The following CITED1 variants were observed in gnomAD, a reference collection of about 807,000 sequenced individuals.
CITED1 encodes the protein cbp/p300-interacting transactivator 1.
A neutral mutation model predicts 8.5 loss-of-function variants in CITED1; 3 were observed. The ratio of observed to expected loss-of-function variants is 0.35; its 90% CI spans 0.16 to 0.91. The LOEUF is 0.91. Ranked by LOEUF, CITED1 falls within the 40% of genes least tolerant of loss-of-function variation. The probability of loss-of-function intolerance (pLI) is 0.46; values close to 1 mark genes in which losing one functional copy is unlikely to be tolerated. For missense variants in CITED1, 113 were observed against 154.8 expected (o/e 0.73, Z 1.43); for synonymous variants, 54 against 67.4 (o/e 0.80, Z 0.97).
chrX:72,305,300 A>G (rs1395359459), intron 1 of CITED1: 1 of 1,165,833 alleles, frequency 8.6e-7, no homozygotes, highest in Non-Finnish European at 1.1e-6. Flanking sequence ...AATGGCACCA[A>G]CCGGATGGTT....
At chrX:72,305,308 G>A (rs1470998262) in intron 1 of CITED1, 3 of 1,165,514 alleles carry the variant, frequency 2.6e-6, no homozygotes, top group Non-Finnish European at 2.3e-6. Flanking sequence ...CAACCGGATG[G>A]TTCCATCTCG....
At chrX:72,305,057 CG>C (rs1272894710) in intron 1 of CITED1, among the ~76,000 whole-genome samples, 1 of 113,040 alleles carries the variant, frequency 8.8e-6, no homozygotes, top group African/African-American at 3.2e-5. Context: ...CACTGCGAAA[CG>C]GCTGCGACAG....
chrX:72,301,858 A>AT lies in CITED1; in HGVS notation c.446dup (p.Asp149GlufsTer7). The stretch of plus-strand genomic sequence containing the variant: ...GCACTTCCTCATCCACTGGGTCCGA[A>AT]TCGATGATAGCAGGGCTCTGGGCAC... On this transcript the variant is annotated frameshift_variant, in exon 3 of 3. Transcript: ENST00000651998. LOFTEE classifies it high-confidence loss of function. 1 of 1,211,840 alleles carries AT rather than the reference A, an allele frequency of 8.3e-7. No homozygotes were observed. Among genetic ancestry groups the AT allele is most frequent in the Non-Finnish European group, 1.1e-6 (1 of 895,542 alleles).
At chrX:72,306,499 G>C (rs2043341027), upstream of CITED1, 1 of 111,734 alleles carries the variant, frequency 8.9e-6, no homozygotes, top group South Asian at 3.6e-4. Context: ...GCCTGCCCTG[G>C]AGAGAGGGAA....
chrX:72,305,661 C>G (rs1244531039), intron 1 of CITED1, 164 bp downstream of exon 1: 6 of 198,658 alleles, frequency 3.0e-5, no homozygotes, highest in Non-Finnish European at 4.6e-5. Flanking sequence ...CACTCCGGCG[C>G]CGGCTGCTGC....
At chrX:72,305,354 A>G in intron 1 of CITED1, 1 of 1,137,120 alleles carries the variant, frequency 8.8e-7, no homozygotes, top group Non-Finnish European at 1.2e-6. Flanking sequence ...GAAATTTAAA[A>G]ATCCAAACAG....
In CITED1 at chrX:72,301,740, A is replaced by G. The variant is rs367924982; in HGVS notation, c.565T>C (p.Phe189Leu). 6.6e-6 allele frequency: 8 copies of G among 1,210,515 alleles called. No homozygotes were observed. The highest frequency in any genetic ancestry group is 3.0e-5 in the East Asian group (1 of 33,823). ...ACTTGGCATTAGCAGCTAGATGGAA[A>G]GTCCGCAGTGAAGTCAAACTCATTC... Reference protein sequence around the residue: ...GQNEFDFTADFPSSC With the variant: ...GQNEFDFTADLPSSC Residue 189 changes from phenylalanine (F) to leucine (L), a missense_variant, in exon 3 of 3, where the codon TTT becomes CTT. Coordinates refer to ENST00000651998, the MANE Select transcript of CITED1 (RefSeq NM_001144887.2).
intron 1 of CITED1, among the ~76,000 whole-genome samples, chrX:72,303,918 A>G (rs1160524246): frequency 9.0e-6 from 1 of 111,184 alleles, no homozygotes; most frequent in African/African-American, 3.3e-5. Context: ...TACAAAGAAG[A>G]AAAAAATGTC....
chrX:72,306,940 C>A (rs1418273705), upstream of CITED1: 1 of 109,145 alleles, frequency 9.2e-6, no homozygotes, highest in African/African-American at 3.3e-5. Context: ...TCAATTTCCA[C>A]GTCTTTATAA....
Position 72,302,072 on chromosome X carries a change from G to C in CITED1, c.233C>G (p.Thr78Ser). 2 of 1,190,842 alleles carry C rather than the reference G, an allele frequency of 1.7e-6. No individual in the cohort carries two copies. The highest frequency in any genetic ancestry group is 2.3e-6 in the Non-Finnish European group (2 of 884,431). Residue 78 changes from threonine (T) to serine (S), a missense_variant, in exon 3 of 3, where the codon ACT becomes AGT. Physicochemically the swap from Thr to Ser is moderately conservative, Grantham distance 58 (BLOSUM62 1). Coordinates refer to ENST00000651998, the MANE Select transcript of CITED1 (RefSeq NM_001144887.2). ...PIGSPTTTPP[T>S]KPPSFNLHPA... The stretch of plus-strand genomic sequence containing the variant: ...GTGCAGGTTGAAGGATGGGGGTTTA[G>C]TGGGAGGGGTGGTTGTAGGAGAGCC...
In CITED1 at chrX:72,302,243, T is replaced by G; in HGVS notation, c.62A>C (p.Asp21Ala). Residue 21 changes from aspartate to alanine, a missense_variant and splice_region_variant, in exon 3 of 3, where the codon GAT becomes GCT. Transcript: ENST00000651998. ...VKGGTSPAKE[D>A]ANQEMSSVAY... ...CACGGAGCTCATCTCTTGGTTGGCA[T>G]CCTAGAAGACAGAGAAAAGCACACC... The G allele has an allele frequency of 1.7e-6, 2 of 1,203,785 alleles. No homozygotes were observed. The highest frequency in any genetic ancestry group is 2.2e-6 in the Non-Finnish European group (2 of 890,715).
chrX:72,305,239 G>C, intron 1 of CITED1: 1 of 1,052,471 alleles, frequency 9.5e-7, no homozygotes, highest in African/African-American at 1.8e-5. Flanking sequence ...AAAGAGAAGG[G>C]AGAGGCAGGT....
In CITED1 at chrX:72,305,815, G is replaced by T. The variant is rs1206502591; in HGVS notation, c.-66+10C>A. On this transcript the variant is annotated intron_variant, in intron 1 of 2. Coordinates refer to ENST00000651998, the MANE Select transcript of CITED1 (RefSeq NM_001144887.2). Reference sequence around the variant, plus strand: ...GAGTGAGAGAGGCTCGGAGAGGTGCGGTAACTTGCCCAAGGTCACAGCGCT... The same window carrying T: ...GAGTGAGAGAGGCTCGGAGAGGTGCTGTAACTTGCCCAAGGTCACAGCGCT... The T allele has an allele frequency of 8.8e-6, 1 of 114,213 alleles. No homozygotes were observed. The highest frequency in any genetic ancestry group is 1.8e-5 in the Non-Finnish European group (1 of 54,382). 9.4% of individuals were successfully genotyped at this position (114,213 alleles called of 1,213,427 possible). A position where few individuals can be genotyped will look rare whatever the true frequency, so the allele number is the denominator to read the frequency against.
rs141166950 is a variant in CITED1, at chrX:72,301,783, C to T, written c.522G>A (p.Pro174=). ...ACTCATTCTGCCCCAGCCACAGCTCCGGAAGCTCATTGGCTCGGTCCAACC... is the reference window on the plus strand; with the variant it reads ...ACTCATTCTGCCCCAGCCACAGCTCTGGAAGCTCATTGGCTCGGTCCAACC... ...ELGLDRANEL[P]ELWLGQNEFD... Residue 174 remains proline (P), a synonymous_variant, in exon 3 of 3, where the codon CCG becomes CCA. Coordinates refer to ENST00000651998, the MANE Select transcript of CITED1 (RefSeq NM_001144887.2). 1.5e-3 allele frequency: 1,793 copies of T among 1,210,699 alleles called. 2 individuals carry two copies. Among genetic ancestry groups the T allele is most frequent in the Non-Finnish European group, 1.6e-3 (1,462 of 895,367 alleles).
rs2043290120 is a variant in CITED1 at position 72,301,897 on chromosome X, G to C, written c.408C>G (p.Leu136=). 1.7e-6 allele frequency: 2 copies of C among 1,210,861 alleles called. No individual in the cohort carries two copies. The highest frequency in any genetic ancestry group is 2.2e-6 in the Non-Finnish European group (2 of 895,424). The change falls in exon 3 of 3, where the codon CTC becomes CTG. Residue 136 remains leucine, a synonymous_variant. Coordinates refer to ENST00000651998, the MANE Select transcript of CITED1 (RefSeq NM_001144887.2). ...GGCTCTGGGCACCAGCAGAAGGAGA[G>C]AGTGATTCTGCCCCTCCCGCCTGGG... ...FGAQAGGAES[L]SPSAGAQSPA...
chrX:72,305,656 C>G (rs927136861), intron 1 of CITED1, 169 bp downstream of exon 1: 89 of 193,621 alleles, frequency 4.6e-4, no homozygotes, highest in Non-Finnish European at 7.2e-4. Context: ...GTCCGCACTC[C>G]GGCGCCGGCT....
chrX:72,303,516 A>T (rs979073329), intron 1 of CITED1, among the ~76,000 whole-genome samples: 10 of 112,235 alleles, frequency 8.9e-5, no homozygotes, highest in Non-Finnish European at 1.7e-4. Flanking sequence ...GCTCTGAGGC[A>T]GCTGGAGCCA....
chrX:72,302,294 C>T (rs751769854), intron 2 of CITED1, 50 bp from the exon 3 acceptor site: 46 of 1,150,925 alleles, frequency 4.0e-5, no homozygotes, highest in Non-Finnish European at 5.1e-5. Flanking sequence ...CTGGCTTGTC[C>T]TTCACCATTC....
chrX:72,302,847 G>A lies in CITED1; in HGVS notation c.23C>T (p.Ala8Val), dbSNP rs1295290492. MPTTSRP[A>V]LDVKGGTSPA... ...TGAGGTGCCACCCTTGACATCAAGT[G>A]CAGGCCTCGACGTTGTTGGCATTTC... is the stretch of plus-strand genomic sequence containing the variant. Residue 8 changes from alanine (A) to valine (V), a missense_variant, in exon 2 of 3, where the codon GCA becomes GTA. By Grantham distance (64) the Ala-to-Val change is moderately conservative. Coordinates refer to ENST00000651998, the MANE Select transcript of CITED1 (RefSeq NM_001144887.2). 8.3e-7 allele frequency: 1 copy of A among 1,210,592 alleles called. No individual in the cohort carries two copies. Among genetic ancestry groups the A allele is most frequent in the East Asian group, 3.0e-5 (1 of 33,859 alleles).
Sources: allele counts gnomAD v4.1 joint callset (sites outside exome capture counted in the v4.1 genomes callset), GRCh38; gene constraint gnomAD v4.1.1; transcripts MANE v1.5; gene names NCBI Gene and HGNC (gene_info 2026-07-23, HGNC 2026-07-21).